The following NBAS variants were observed in gnomAD, a reference collection of about 807,000 sequenced individuals.
NBAS encodes the protein NBAS subunit of NRZ tethering complex, also known as NAG/BC035112 fusion.
NBAS carries 219 observed loss-of-function variants against 302.5 expected under a neutral mutation model. The observed-to-expected ratio is 0.72, with a 90% CI of 0.65 to 0.81. The LOEUF (loss-of-function observed/expected upper bound fraction) is 0.81, where lower values mean the gene tolerates loss of function less well. NBAS is among the 30% of genes least tolerant of loss of function. The pLI is 0.00. For missense variants in NBAS, 2,932 were observed against 2,841.6 expected (o/e 1.03, Z -0.72); for synonymous variants, 1,118 against 1,021.6 (o/e 1.09, Z -1.80).
chr2:14,900,334 C>T, the NBAS span, among the ~76,000 whole-genome samples: 1 of 152,112 alleles, frequency 6.6e-6, no homozygotes, highest in Admixed American at 6.5e-5. Context: ...TATCAATTTT[C>T]CCACTAAATG....
chr2:15,097,615 T>C, the NBAS span, among the ~76,000 whole-genome samples: 2 of 151,890 alleles, frequency 1.3e-5, no homozygotes, highest in Non-Finnish European at 2.9e-5. Flanking sequence ...GTCCTCTCAC[T>C]GTGTCCTCAG....
chr2:15,398,333 T>C (rs1675977700), intron 26 of NBAS, among the ~76,000 whole-genome samples: 1 of 152,076 alleles, frequency 6.6e-6, no homozygotes, highest in African/African-American at 2.4e-5. Context: ...TTTGTAGAGA[T>C]GGGGTCTTCC....
the NBAS span, among the ~76,000 whole-genome samples, chr2:14,970,000 G>C: frequency 6.6e-6 from 1 of 151,868 alleles, no homozygotes; most frequent in Admixed American, 6.6e-5. Flanking sequence ...TAAACTTTTA[G>C]AAATAAACTT....
chr2:15,141,792 C>A, the NBAS span, among the ~76,000 whole-genome samples: 2 of 152,178 alleles, frequency 1.3e-5, no homozygotes, highest in East Asian at 1.9e-4. Context: ...CAGATCATAC[C>A]CTTTCCCCCA....
the NBAS span, among the ~76,000 whole-genome samples, chr2:15,148,745 A>T: frequency 4.6e-5 from 7 of 152,188 alleles, no homozygotes; most frequent in Non-Finnish European, 7.3e-5. Context: ...GCAAAACTAG[A>T]ATTTGGTGCC....
the NBAS span, among the ~76,000 whole-genome samples, chr2:15,118,428 C>G: frequency 6.6e-6 from 1 of 152,184 alleles, no homozygotes; most frequent in Admixed American, 6.5e-5. Flanking sequence ...TGTGAGCCAC[C>G]ATGCCCATAT....
intron 35 of NBAS, among the ~76,000 whole-genome samples, chr2:15,335,169 T>G (rs1572677301): frequency 7.7e-6 from 1 of 130,046 alleles, no homozygotes; most frequent in Non-Finnish European, 1.6e-5. Context: ...GGACCTCATC[T>G]CTCTTAAAAA....
the NBAS span, among the ~76,000 whole-genome samples, chr2:14,949,690 T>C: frequency 6.6e-6 from 1 of 152,172 alleles, no homozygotes; most frequent in Non-Finnish European, 1.5e-5. Context: ...GATATAGATA[T>C]ATAATGGAAT....
At position 15,467,401 on chromosome 2, in the gene NBAS, T is replaced by G; in HGVS notation, c.2025A>C (p.Thr675=). The G allele has an allele frequency of 6.2e-7, 1 of 1,612,622 alleles. No homozygotes were observed. Among genetic ancestry groups the G allele is most frequent in the Non-Finnish European group, 8.5e-7 (1 of 1,178,816 alleles). ...AACGGCAAAGTTCCTTTTGTTCCAGTGTCAACCTGTTTTGAATAACTATGT... is the reference window on the plus strand; with the variant it reads ...AACGGCAAAGTTCCTTTTGTTCCAGGGTCAACCTGTTTTGAATAACTATGT... ...LLKLVNFSKL[T]LEQKELCRCR... is the part of the protein sequence containing the mutation. Residue 675 remains threonine (T), a synonymous_variant, in exon 19 of 52, where the codon ACA becomes ACC. Transcript: ENST00000281513.
intron 6 of NBAS, among the ~76,000 whole-genome samples, chr2:15,544,662 G>T (rs369578304): frequency 4.6e-4 from 70 of 152,164 alleles, no homozygotes; most frequent in African/African-American, 1.7e-3. Flanking sequence ...TTCTATCCAA[G>T]AAAACAATAG....
intron 47 of NBAS, among the ~76,000 whole-genome samples, chr2:15,228,350 C>T (rs1397015959): frequency 6.6e-6 from 1 of 152,062 alleles, no homozygotes; most frequent in African/African-American, 2.4e-5. Context: ...CTAATGCTGG[C>T]CAGGGTGCAG....
chr2:15,077,831 G>A, the NBAS span, among the ~76,000 whole-genome samples: 33 of 151,914 alleles, frequency 2.2e-4, no homozygotes, highest in Non-Finnish European at 4.0e-4. Context: ...TTATAGGCAC[G>A]CACCACCACA....
At chr2:14,883,376 A>G in the NBAS span, among the ~76,000 whole-genome samples, 3 of 152,196 alleles carry the variant, frequency 2.0e-5, no homozygotes, top group Non-Finnish European at 4.4e-5. Flanking sequence ...ATATATCTCA[A>G]ATTTTTAAAT....
the NBAS span, among the ~76,000 whole-genome samples, chr2:15,159,239 A>G: frequency 2.0e-5 from 3 of 152,192 alleles, no homozygotes; most frequent in Non-Finnish European, 4.4e-5. Context: ...CGCGTTCACC[A>G]GTTCAGATGT....
At chr2:15,110,590 A>G in the NBAS span, among the ~76,000 whole-genome samples, 1 of 152,172 alleles carries the variant, frequency 6.6e-6, no homozygotes, top group African/African-American at 2.4e-5. Flanking sequence ...GAGAATCTAC[A>G]TGCCAAATAG....
rs147985436 is a variant in NBAS, at chr2:15,332,515, G to A, written c.4180-1750C>T. On this transcript the variant is annotated intron_variant, in intron 35 of 51. Transcript: ENST00000281513. ...GGCTGTTGTTTAGGGTTGCCCATAC[G>A]TATTCTAAACCGGTTTGGTCATGCA... Among the ~76,000 whole-genome samples, 12 of 151,664 alleles carry A rather than the reference G, an allele frequency of 7.9e-5. 1 individual carries two copies. The South Asian group carries it at 1.5e-3, about 19-fold the overall frequency.
intron 40 of NBAS, among the ~76,000 whole-genome samples, chr2:15,304,928 A>G (rs981429980): frequency 6.6e-6 from 1 of 152,206 alleles, no homozygotes; most frequent in Non-Finnish European, 1.5e-5. Context: ...AGTTCTAGGA[A>G]GTAACTAACT....
chr2:15,526,934 C>T (rs1662936541), intron 9 of NBAS, among the ~76,000 whole-genome samples: 1 of 151,938 alleles, frequency 6.6e-6, no homozygotes, highest in South Asian at 2.1e-4. Flanking sequence ...TCATTTCAAT[C>T]CTACGGTCCC....
chr2:15,019,746 C>T, the NBAS span, among the ~76,000 whole-genome samples: 36 of 151,940 alleles, frequency 2.4e-4, no homozygotes, highest in African/African-American at 8.2e-4. Context: ...TGAATGAGAC[C>T]AGTGCCTTTA....
Sources: gnomAD v4.1 joint callset for allele counts (sites outside exome capture counted in the v4.1 genomes callset) on GRCh38, gnomAD v4.1.1 for gene constraint, MANE v1.5 for transcripts, NCBI Gene and HGNC (gene_info 2026-07-23, HGNC 2026-07-21) for gene names.